Variants in ARSG observed in about 807,000 individuals in gnomAD.
ARSG encodes ASG.
ARSG carries 37 observed loss-of-function variants against 50.5 expected under a neutral mutation model. That is an observed-to-expected ratio of 0.73 (90% CI 0.56 to 0.96). ARSG has a LOEUF of 0.96. ARSG is among the 50% of genes least tolerant of loss of function. The pLI is 0.00. For missense variants in ARSG, 629 were observed against 675.3 expected, an observed-to-expected ratio of 0.93 and a Z score of 0.76; for synonymous variants, 225 against 254.6, an observed-to-expected ratio of 0.88 and a Z score of 1.11.
At position 68,368,705 on chromosome 17, in the gene ARSG, G is replaced by A. The variant is rs903541725; in HGVS notation, c.862G>A (p.Asp288Asn). 3.1e-6 allele frequency: 5 copies of A among 1,613,780 alleles called. No individual in the cohort carries two copies. The African/African-American group carries it at 6.7e-5, about 22-fold the overall frequency. The change falls in exon 7 of 12, where the codon GAC (aspartate) becomes AAC (asparagine). Residue 288 changes from aspartate (D) to asparagine (N), a missense_variant. Coordinates refer to ENST00000621439, the MANE Select transcript of ARSG (RefSeq NM_001267727.2). The part of the protein sequence containing the change: ...SLVGQIKDKV[D>N]HTVKENTFLW... ...GGTGGGCCAGATCAAGGACAAAGTT[G>A]ACCACACAGTGAAGGAAAACACATT...
intron 1 of ARSG, among the ~76,000 whole-genome samples, chr17:68,300,728 A>C (rs771924159): frequency 7.2e-5 from 11 of 152,082 alleles, no homozygotes; most frequent in Non-Finnish European, 1.3e-4. Flanking sequence ...TGACAGTCTC[A>C]ACAGGTGGTT....
chr17:68,420,045 A>AT, intron 11 of ARSG, 144 bp from the exon 12 acceptor site: 1 of 947,128 alleles, frequency 1.1e-6, no homozygotes, highest in Non-Finnish European at 1.6e-6. Flanking sequence ...TCAAGGTAAT[A>AT]TTTCTTTGAC....
At chr17:68,384,816 T>G (rs928271838) in intron 8 of ARSG, among the ~76,000 whole-genome samples, 2 of 152,054 alleles carry the variant, frequency 1.3e-5, no homozygotes, top group African/African-American at 4.8e-5. Flanking sequence ...GAAGGTCTCA[T>G]GAAGAAAATA....
At chr17:68,322,784 A>G (rs2077344178) in intron 2 of ARSG, among the ~76,000 whole-genome samples, 2 of 152,204 alleles carry the variant, frequency 1.3e-5, no homozygotes, top group African/African-American at 4.8e-5. Context: ...CAGCCATATT[A>G]GTCAGCTTGG....
At chr17:68,388,953 A>T (rs1247796538) in intron 9 of ARSG, among the ~76,000 whole-genome samples, 1 of 150,794 alleles carries the variant, frequency 6.6e-6, no homozygotes, top group East Asian at 1.9e-4. Context: ...AAAGAAAAAC[A>T]GCTAAAGCTG....
intron 11 of ARSG, among the ~76,000 whole-genome samples, chr17:68,411,927 A>C (rs969109201): frequency 2.4e-4 from 37 of 151,550 alleles, no homozygotes; most frequent in African/African-American, 8.7e-4. Context: ...GTTTTATCAG[A>C]GACTAGGATT....
At chr17:68,372,301 G>A (rs1312847719) in intron 8 of ARSG, among the ~76,000 whole-genome samples, 4 of 152,010 alleles carry the variant, frequency 2.6e-5, no homozygotes, top group East Asian at 1.9e-4. Context: ...TTGATCGATC[G>A]ATCGATCGAA....
chr17:68,343,852 A>C, intron 3 of ARSG, 61 bp downstream of exon 3: 1 of 1,505,220 alleles, frequency 6.6e-7, no homozygotes, highest in Non-Finnish European at 9.0e-7. Flanking sequence ...TTGTGTTTGC[A>C]AATTCCCAAC....
downstream of ARSG, chr17:68,426,245 G>T (rs985653225): frequency 2.1e-6 from 2 of 948,134 alleles, no homozygotes; most frequent in African/African-American, 1.6e-5. Context: ...TGGCGGGTGG[G>T]GAGCGGGGGC....
At chr17:68,276,388 T>C (rs996119600) in intron 1 of ARSG, among the ~76,000 whole-genome samples, 2 of 152,182 alleles carry the variant, frequency 1.3e-5, no homozygotes. Flanking sequence ...GAGATAACAG[T>C]TCCATGACAG....
intron 5 of ARSG, among the ~76,000 whole-genome samples, chr17:68,354,355 G>A (rs1407700363): frequency 2.0e-5 from 3 of 150,822 alleles, no homozygotes; most frequent in Non-Finnish European, 4.4e-5. Flanking sequence ...GGAGGTTGCA[G>A]TGAGCTGAGA....
intron 4 of ARSG, 131 bp downstream of exon 4, chr17:68,347,303 C>A: frequency 9.9e-7 from 1 of 1,012,118 alleles, no homozygotes; most frequent in Non-Finnish European, 1.5e-6. Context: ...TTCACGAGGT[C>A]ATTTGAGTGC....
At chr17:68,434,272 T>A in the ARSG span, among the ~76,000 whole-genome samples, 3 of 152,162 alleles carry the variant, frequency 2.0e-5, no homozygotes, top group Non-Finnish European at 4.4e-5. Context: ...AAATTATTTT[T>A]GGATTGTGAC....
chr17:68,404,695 G>C (rs1257157033), intron 11 of ARSG, among the ~76,000 whole-genome samples: 1 of 152,150 alleles, frequency 6.6e-6, no homozygotes, highest in Non-Finnish European at 1.5e-5. Flanking sequence ...TTTTCTGAAA[G>C]GGTTTGTGGA....
intron 9 of ARSG, 117 bp from the exon 10 acceptor site, chr17:68,394,956 G>T (rs1203984674): frequency 1.4e-6 from 2 of 1,440,800 alleles, no homozygotes; most frequent in South Asian, 1.3e-5. Flanking sequence ...AGTTAAGCCA[G>T]CCCATAGGAG....
At chr17:68,361,014 G>T (rs1599876436) in intron 6 of ARSG, among the ~76,000 whole-genome samples, 1 of 151,996 alleles carries the variant, frequency 6.6e-6, no homozygotes. Flanking sequence ...TAGTAGAGAC[G>T]GCGTTTCACC....
At chr17:68,405,609 A>G (rs2081674981) in intron 11 of ARSG, among the ~76,000 whole-genome samples, 2 of 152,186 alleles carry the variant, frequency 1.3e-5, no homozygotes, top group South Asian at 4.1e-4. Context: ...ATAAGATTAT[A>G]TCATATCTGA....
chr17:68,389,067 C>T (rs1262190471), intron 9 of ARSG, among the ~76,000 whole-genome samples: 1 of 152,146 alleles, frequency 6.6e-6, no homozygotes, highest in Non-Finnish European at 1.5e-5. Flanking sequence ...TCCGAAGGCA[C>T]CGGTCTTGGA....
rs2079441752 is a variant in ARSG at position 68,364,368 on chromosome 17, T to C, written c.705-4180T>C. Among the ~76,000 whole-genome samples, 2 of 152,050 alleles carry C rather than the reference T, an allele frequency of 1.3e-5. 1 individual carries two copies. Among genetic ancestry groups the C allele is most frequent in the South Asian group, 4.1e-4 (2 of 4,820 alleles). ...ATAACCTGTTTTTTGTTGTTGTTGT[T>C]GTTGTTTTGTTTTTTGTTTATTTGA... On this transcript the variant is annotated intron_variant, in intron 6 of 11. Coordinates refer to ENST00000621439, the MANE Select transcript of ARSG (RefSeq NM_001267727.2).
Sources: allele counts gnomAD v4.1 joint callset (sites outside exome capture counted in the v4.1 genomes callset), GRCh38; gene constraint gnomAD v4.1.1; transcripts MANE v1.5; gene names NCBI Gene and HGNC (gene_info 2026-07-23, HGNC 2026-07-21).